MYRIP: variants seen among roughly 807,000 people sequenced by gnomAD.
The protein encoded by MYRIP is rab effector MyRIP.
A neutral mutation model predicts 98.0 loss-of-function variants in MYRIP; 49 were observed. That is an observed-to-expected ratio of 0.50 (90% confidence interval 0.40 to 0.63). The LOEUF is 0.63. Among genes scored for constraint, MYRIP ranks in the 30% least tolerant of loss-of-function variants. The pLI is 0.00. For synonymous variants in MYRIP, 404 were observed against 409.5 expected (o/e 0.99, Z 0.16); for missense variants, 1,004 against 1,058.2 (o/e 0.95, Z 0.71).
intron 8 of MYRIP, among the ~76,000 whole-genome samples, chr3:40,178,866 A>G (rs1950824787): frequency 6.6e-6 from 1 of 151,928 alleles, no homozygotes; most frequent in African/African-American, 2.4e-5. Context: ...CAAGTTCATC[A>G]ATGCAAGGGA....
chr3:40,182,194 C>T (rs772051344), intron 8 of MYRIP, 26 bp from the exon 9 acceptor site: 2 of 1,585,296 alleles, frequency 1.3e-6, no homozygotes, highest in South Asian at 1.2e-5. Flanking sequence ...TATGAGCTCA[C>T]CCCTTCCCCT....
At chr3:39,855,681 C>G (rs1942266626) in intron 1 of MYRIP, among the ~76,000 whole-genome samples, 2 of 152,176 alleles carry the variant, frequency 1.3e-5, no homozygotes, top group Admixed American at 6.5e-5. Flanking sequence ...GCCGGTCTCA[C>G]TCCCACAGTG....
intron 3 of MYRIP, among the ~76,000 whole-genome samples, chr3:40,100,687 C>T (rs1948927955): frequency 6.6e-6 from 1 of 152,154 alleles, no homozygotes; most frequent in Admixed American, 6.5e-5. Flanking sequence ...GTGGGAAAGT[C>T]ACATGTGAGT....
chr3:40,213,970 A>C (rs1311055375), intron 11 of MYRIP, among the ~76,000 whole-genome samples: 1 of 152,060 alleles, frequency 6.6e-6, no homozygotes, highest in Non-Finnish European at 1.5e-5. Flanking sequence ...CACAGTGATA[A>C]ACTACTTGAT....
chr3:40,110,491 C>T (rs1168915275), intron 3 of MYRIP, among the ~76,000 whole-genome samples: 1 of 152,168 alleles, frequency 6.6e-6, no homozygotes, highest in African/African-American at 2.4e-5. Flanking sequence ...CTCAAAGATG[C>T]TCAAGACACT....
chr3:39,940,798 C>T (rs1402308320), intron 2 of MYRIP, among the ~76,000 whole-genome samples: 1 of 151,958 alleles, frequency 6.6e-6, no homozygotes, highest in Non-Finnish European at 1.5e-5. Flanking sequence ...TTTAAAAATG[C>T]TTTCTGGTTA....
At chr3:39,942,010 C>A (rs557894706) in intron 2 of MYRIP, among the ~76,000 whole-genome samples, 1 of 152,262 alleles carries the variant, frequency 6.6e-6, no homozygotes. Context: ...CTTGCTTTGA[C>A]AAAATGTCAT....
intron 9 of MYRIP, among the ~76,000 whole-genome samples, chr3:40,185,099 G>A (rs1215195560): frequency 2.0e-5 from 3 of 152,170 alleles, no homozygotes; most frequent in Admixed American, 6.5e-5. Context: ...GAAGCGTTCC[G>A]AAGGTGGAGG....
At chr3:39,940,170 TACAC>T (rs1407743340) in intron 2 of MYRIP, among the ~76,000 whole-genome samples, 3 of 152,118 alleles carry the variant, frequency 2.0e-5, no homozygotes, top group Admixed American at 6.6e-5. Context: ...TGCATGGAAA[TACAC>T]ACAATGATAT....
At chr3:40,026,300 C>A (rs117561580) in intron 2 of MYRIP, among the ~76,000 whole-genome samples, 1 of 152,096 alleles carries the variant, frequency 6.6e-6, no homozygotes, top group Non-Finnish European at 1.5e-5. Flanking sequence ...GCAGTCAGAC[C>A]GTATGGTTGT....
intron 11 of MYRIP, among the ~76,000 whole-genome samples, chr3:40,232,704 C>T (rs1427346033): frequency 1.3e-5 from 2 of 152,166 alleles, no homozygotes; most frequent in African/African-American, 4.8e-5. Context: ...GCTATATGTT[C>T]AGATGAACTC....
chr3:39,964,872 T>A (rs1945403807), intron 2 of MYRIP, among the ~76,000 whole-genome samples: 1 of 152,168 alleles, frequency 6.6e-6, no homozygotes, highest in South Asian at 2.1e-4. Flanking sequence ...TCATTATAAC[T>A]GCTTGGAGAA....
intron 2 of MYRIP, among the ~76,000 whole-genome samples, chr3:39,966,530 G>A (rs976895987): frequency 6.6e-6 from 1 of 152,188 alleles, no homozygotes; most frequent in Non-Finnish European, 1.5e-5. Context: ...AAGGTGTGGA[G>A]GGGTAAACCA....
chr3:40,127,798 A>G (rs976642124), intron 3 of MYRIP, among the ~76,000 whole-genome samples: 2 of 152,296 alleles, frequency 1.3e-5, no homozygotes, highest in African/African-American at 4.8e-5. Context: ...TGCCTGAGGC[A>G]GCATCTCTAG....
intron 10 of MYRIP, among the ~76,000 whole-genome samples, chr3:40,196,718 C>G (rs553114753): frequency 8.5e-5 from 13 of 152,244 alleles, no homozygotes; most frequent in African/African-American, 3.1e-4. Context: ...ATGCATTGTT[C>G]TGGGCATTAA....
chr3:39,985,610 A>G lies in MYRIP; in HGVS notation c.111-58440A>G, dbSNP rs1402913429. Among the ~76,000 whole-genome samples the G allele has an allele frequency of 1.7e-3, 242 of 141,116 alleles. 2 individuals are homozygous for G. Among genetic ancestry groups the G allele is most frequent in the African/African-American group, 6.5e-3 (231 of 35,460 alleles). The allele number at this position is 141,116 out of a possible 152,430, so 92.6% of individuals were successfully genotyped here. The stretch of plus-strand genomic sequence containing the variant: ...GCATGGTACTGGTACCAAAACAGAG[A>G]TATAGATCAATGGAACAGAACAGAG... On this transcript the variant is annotated intron_variant, in intron 2 of 16. Coordinates refer to ENST00000302541, the MANE Select transcript of MYRIP (RefSeq NM_015460.4).
chr3:39,838,999 A>G (rs1941712994), intron 1 of MYRIP, among the ~76,000 whole-genome samples: 1 of 152,106 alleles, frequency 6.6e-6, no homozygotes, highest in African/African-American at 2.4e-5. Context: ...TTATGTGCAT[A>G]GAGATGTGTA....
chr3:40,143,547 AG>A (rs1413989619), intron 3 of MYRIP, among the ~76,000 whole-genome samples: 2 of 152,244 alleles, frequency 1.3e-5, no homozygotes, highest in Admixed American at 6.5e-5. Flanking sequence ...CTTCCCTGGA[AG>A]CCCCAAGGAA....
At chr3:39,928,964 A>G (rs1944481033) in intron 2 of MYRIP, among the ~76,000 whole-genome samples, 1 of 152,010 alleles carries the variant, frequency 6.6e-6, no homozygotes, top group African/African-American at 2.4e-5. Flanking sequence ...CCAGAACTAA[A>G]AGCAAATTTA....
Sources: gnomAD v4.1 joint callset for allele counts (sites outside exome capture counted in the v4.1 genomes callset) on GRCh38, gnomAD v4.1.1 for gene constraint, MANE v1.5 for transcripts, NCBI Gene and HGNC (gene_info 2026-07-23, HGNC 2026-07-21) for gene names.